RIC8A: variants seen among roughly 807,000 people sequenced by gnomAD.
The protein encoded by RIC8A is chaperone Ric-8A.
In RIC8A, 37 loss-of-function variants were observed where a neutral mutation model predicts 48.4. That is an observed-to-expected ratio of 0.77 (90% CI 0.59 to 1.01). The LOEUF is 1.01. RIC8A is among the 50% of genes least tolerant of loss of function. The pLI, the probability that RIC8A is intolerant of heterozygous loss-of-function variation, is 0.00. For synonymous variants in RIC8A, 288 were observed against 283.4 expected (o/e 1.02, Z -0.16); for missense variants, 681 against 696.8 (o/e 0.98, Z 0.25).
Position 209,900 on chromosome 11 carries a change from C to G in RIC8A, c.626C>G (p.Pro209Arg). 6.2e-7 allele frequency: 1 copy of G among 1,608,990 alleles called. No homozygotes were observed. The highest frequency in any genetic ancestry group is 2.2e-5 in the East Asian group (1 of 44,832). The change falls in exon 3 of 10, where the codon CCA (proline) becomes CGA (arginine). Residue 209 changes from proline (P) to arginine (R), a missense_variant. Pro to Arg is a moderately radical substitution (Grantham distance 103). Transcript: ENST00000526104. The stretch of plus-strand genomic sequence containing the variant: ...GGGGTGACTCCTGAAGGGAACCCCC[C>G]ACCCACGCTCCTTCCTTCCCAAGAG... ...TLGVTPEGNP[P>R]PTLLPSQETE... is the part of the protein sequence containing the mutation.
In RIC8A at chr11:214,280, C is replaced by T. The variant is rs765061876; in HGVS notation, c.1526C>T (p.Ser509Phe). Residue 509 changes from serine to phenylalanine, a missense_variant, in exon 10 of 10, where the codon TCC (serine) becomes TTC (phenylalanine). By Grantham distance (155) the Ser-to-Phe change is radical (BLOSUM62 -2). Transcript: ENST00000526104. Reference sequence around the variant, plus strand: ...ATGAGTCCCCGGGGTCATCTTACGTCCCTGCAGGATGCCATGTGCGAGACT... The same window carrying T: ...ATGAGTCCCCGGGGTCATCTTACGTTCCTGCAGGATGCCATGTGCGAGACT... Reference protein sequence around the residue: ...MGMSPRGHLTSLQDAMCETME... With the variant: ...MGMSPRGHLTFLQDAMCETME... The T allele has an allele frequency of 3.0e-5, 48 of 1,613,792 alleles. No homozygotes were observed. Among genetic ancestry groups the T allele is most frequent in the Non-Finnish European group, 3.9e-5 (46 of 1,179,890 alleles).
chr11:214,440 G>A lies in RIC8A; in HGVS notation c.*90G>A. The A allele has an allele frequency of 6.8e-7, 1 of 1,474,374 alleles. No homozygotes were observed. The highest frequency in any genetic ancestry group is 1.7e-4 in the Middle Eastern group (1 of 5,840). The allele number at this position is 1,474,374 out of a possible 1,614,324, so 91.3% of individuals were successfully genotyped here. A position where few individuals can be genotyped will look rare whatever the true frequency, so the allele number is the denominator to read the frequency against. ...CAACCTGGGGAAGCCACATCCCACT[G>A]GATCCACACCCGCCCCCACTTCTCC... On this transcript the variant is annotated 3_prime_UTR_variant, in exon 10 of 10. Coordinates refer to ENST00000526104, the MANE Select transcript of RIC8A (RefSeq NM_001286134.2).
chr11:212,475 G>T lies in RIC8A; in HGVS notation c.1029G>T (p.Arg343=). ...PVLSVLTECA[R]MHRPARKFLK... ...TGAGCGTGCTGACTGAATGTGCCCG[G>T]ATGCACCGCCCAGCCAGGAAGTTCC... Residue 343 remains arginine, a synonymous_variant, in exon 6 of 10, where the codon CGG becomes CGT. Coordinates refer to ENST00000526104, the MANE Select transcript of RIC8A (RefSeq NM_001286134.2). The T allele has an allele frequency of 7.4e-6, 12 of 1,613,998 alleles. No individual in the cohort carries two copies. The highest frequency in any genetic ancestry group is 1.0e-5 in the Non-Finnish European group (12 of 1,179,966).
At position 208,747 on chromosome 11, in the gene RIC8A, C is replaced by T; in HGVS notation, c.-108C>T. ...GCGCCACCAGACGCCGCGCCCCGTC[C>T]CGGCCTCCCCCGCGCGCTGGCGCGG... On this transcript the variant is annotated 5_prime_UTR_variant, in exon 1 of 10. Coordinates refer to ENST00000526104, the MANE Select transcript of RIC8A (RefSeq NM_001286134.2). This position sits in a 1 kb window ranked among gnomAD's most constrained non-coding sequence, Gnocchi z 4.8. The T allele has an allele frequency of 1.3e-6, 1 of 788,678 alleles. No individual in the cohort carries two copies. The highest frequency in any genetic ancestry group is 2.1e-5 in the South Asian group (1 of 47,722). The allele number at this position is 788,678 out of a possible 1,614,324, so 48.9% of individuals were successfully genotyped here.
rs1259052521 is a variant in RIC8A, at chr11:214,565, C to A, written c.*215C>A. ...GCAACGGTCTTCTTGTGCTAGAACT[C>A]AGGCTCAGCCTCGAATTCCACAGAC... is the stretch of plus-strand genomic sequence containing the variant. On this transcript the variant is annotated 3_prime_UTR_variant, in exon 10 of 10. Coordinates refer to ENST00000526104, the MANE Select transcript of RIC8A (RefSeq NM_001286134.2). 1 of 660,100 alleles carries A rather than the reference C, an allele frequency of 1.5e-6. No homozygotes were observed. Among genetic ancestry groups the A allele is most frequent in the African/African-American group, 1.8e-5 (1 of 56,006 alleles). 40.9% of individuals were successfully genotyped at this position (660,100 alleles called of 1,614,324 possible). A position where few individuals can be genotyped will look rare whatever the true frequency, so the allele number is the denominator to read the frequency against.
In RIC8A at chr11:210,660, C is replaced by G. The variant is rs34925440; in HGVS notation, c.816C>G (p.His272Gln). ...ATAGDRTEEFHGHAVNLLGNL... is the reference protein window; with the variant it reads ...ATAGDRTEEFQGHAVNLLGNL... ...CTGGAGACCGCACAGAGGAGTTCCA[C>G]GGGTGAGAATGGGGCTTTTTCTGGG... The change falls in exon 4 of 10, where the codon CAC (histidine) becomes CAG (glutamine). Residue 272 changes from histidine to glutamine, a missense_variant and splice_region_variant. By Grantham distance (24) the His-to-Gln change is conservative. Transcript: ENST00000526104. 0.012 allele frequency: 18,933 copies of G among 1,613,880 alleles called. 175 individuals are homozygous for G. Among genetic ancestry groups the G allele is most frequent in the Middle Eastern group, 0.027 (165 of 6,060 alleles).
chr11:213,888 A>C (rs1855449990), intron 9 of RIC8A: 1 of 307,472 alleles, frequency 3.3e-6, no homozygotes, highest in East Asian at 9.0e-5. Flanking sequence ...CAGAGCTTGC[A>C]GTGAGCTGAC....
At chr11:212,034 T>G in intron 5 of RIC8A, 2 of 276,670 alleles carry the variant, frequency 7.2e-6, no homozygotes, top group East Asian at 9.5e-5. Flanking sequence ...AGAGCGGGGA[T>G]TCGGTTCTCG....
chr11:214,506 A>G lies in RIC8A; in HGVS notation c.*156A>G. 1 of 921,880 alleles carries G rather than the reference A, an allele frequency of 1.1e-6. No homozygotes were observed. The highest frequency in any genetic ancestry group is 1.7e-6 in the Non-Finnish European group (1 of 586,658). 57.1% of individuals were successfully genotyped at this position (921,880 alleles called of 1,614,324 possible). A position where few individuals can be genotyped will look rare whatever the true frequency, so the allele number is the denominator to read the frequency against. ...TCTCTTGACTCCCGTTCTGTTCATG[A>G]TTTGCCTCTGGTCCAGTTTCTCATC... On this transcript the variant is annotated 3_prime_UTR_variant, in exon 10 of 10. Transcript: ENST00000526104.
Position 211,191 on chromosome 11 carries a change from GT to G in RIC8A, c.819-7del, listed in dbSNP as rs773536919. ...CCTGTTGAAACCCCTACCTCCATCT[GT>G]CCCCAGCCACGCAGTGAACCTCCTG... On this transcript the variant is annotated splice_region_variant and splice_polypyrimidine_tract_variant and intron_variant, in intron 4 of 9. Coordinates refer to ENST00000526104, the MANE Select transcript of RIC8A (RefSeq NM_001286134.2). This position sits in a 1 kb window ranked among gnomAD's most constrained non-coding sequence, Gnocchi z 4.0. The G allele has an allele frequency of 1.2e-6, 2 of 1,611,340 alleles. No homozygotes were observed. Among genetic ancestry groups the G allele is most frequent in the South Asian group, 2.2e-5 (2 of 90,722 alleles).
In RIC8A at chr11:209,907, G is replaced by A. The variant is rs370563816; in HGVS notation, c.633G>A (p.Thr211=). The part of the protein sequence containing the change: ...GVTPEGNPPP[T]LLPSQETERA... ...CTCCTGAAGGGAACCCCCCACCCACGCTCCTTCCTTCCCAAGAGACTGAGC... is the reference window on the plus strand; with the variant it reads ...CTCCTGAAGGGAACCCCCCACCCACACTCCTTCCTTCCCAAGAGACTGAGC... Residue 211 remains threonine (T), a synonymous_variant, in exon 3 of 10, where the codon ACG becomes ACA. Coordinates refer to ENST00000526104, the MANE Select transcript of RIC8A (RefSeq NM_001286134.2). 4.0e-5 allele frequency: 65 copies of A among 1,608,452 alleles called. No individual in the cohort carries two copies. The highest frequency in any genetic ancestry group is 5.2e-5 in the Non-Finnish European group (61 of 1,179,972).
chr11:212,344 G>T, intron 5 of RIC8A, 72 bp from the exon 6 acceptor site: 1 of 1,437,796 alleles, frequency 7.0e-7, no homozygotes, highest in South Asian at 1.2e-5. Flanking sequence ...AAGGGGTGGT[G>T]GGGAGGTGTA....
Position 209,329 on chromosome 11 carries a change from G to T in RIC8A, c.132+11G>T, listed in dbSNP as rs775473033. ...CAGGAGGACCGGAAGGTGGGTGCTGGCCCAAGGGGTAAAGGGGCAGGGACG... is the reference window on the plus strand; with the variant it reads ...CAGGAGGACCGGAAGGTGGGTGCTGTCCCAAGGGGTAAAGGGGCAGGGACG... On this transcript the variant is annotated intron_variant, in intron 2 of 9. Transcript: ENST00000526104. 6.2e-7 allele frequency: 1 copy of T among 1,612,040 alleles called. No homozygotes were observed. The highest frequency in any genetic ancestry group is 8.5e-7 in the Non-Finnish European group (1 of 1,178,656).
intron 3 of RIC8A, 126 bp downstream of exon 3, chr11:210,126 G>A: frequency 1.2e-6 from 1 of 845,302 alleles, no homozygotes; most frequent in South Asian, 1.8e-5. Context: ...CTCCCAGCCT[G>A]TTGGGACAAG....
chr11:214,515 TG>T lies in RIC8A; in HGVS notation c.*167del. ...TCCCGTTCTGTTCATGATTTGCCTC[TG>T]GTCCAGTTTCTCATCTCTGGACTGC... is the stretch of plus-strand genomic sequence containing the variant. On this transcript the variant is annotated 3_prime_UTR_variant, in exon 10 of 10. Coordinates refer to ENST00000526104, the MANE Select transcript of RIC8A (RefSeq NM_001286134.2). 1 of 863,904 alleles carries T rather than the reference TG, an allele frequency of 1.2e-6. No individual in the cohort carries two copies. The highest frequency in any genetic ancestry group is 1.4e-5 in the South Asian group (1 of 69,594). The allele number at this position is 863,904 out of a possible 1,614,324, so 53.5% of individuals were successfully genotyped here. A position where few individuals can be genotyped will look rare whatever the true frequency, so the allele number is the denominator to read the frequency against.
chr11:210,982 G>A, intron 4 of RIC8A: 1 of 610,276 alleles, frequency 1.6e-6, no homozygotes. Flanking sequence ...CGGGGAGGCA[G>A]TGTGTCTCAG....
Position 209,279 on chromosome 11 carries a change from G to A in RIC8A, c.93G>A (p.Gln31=). The change falls in exon 2 of 10, where the codon CAG becomes CAA. Residue 31 remains glutamine (Q), a synonymous_variant. Transcript: ENST00000526104. Reference sequence around the variant, plus strand: ...ACTAGTTCTCTCTGCAGCACTCCCAGAGCTTCACGTTTGATGATGCCCAAC... The same window carrying A: ...ACTAGTTCTCTCTGCAGCACTCCCAAAGCTTCACGTTTGATGATGCCCAAC... ...ALRSYNQEHS[Q]SFTFDDAQQE... The A allele has an allele frequency of 6.2e-7, 1 of 1,614,146 alleles. No individual in the cohort carries two copies.
In RIC8A at chr11:209,863, G is replaced by C. The variant is rs1307907860; in HGVS notation, c.589G>C (p.Glu197Gln). 1 of 1,612,400 alleles carries C rather than the reference G, an allele frequency of 6.2e-7. No individual in the cohort carries two copies. Residue 197 changes from glutamate (E) to glutamine (Q), a missense_variant, in exon 3 of 10, where the codon GAG becomes CAG. Physicochemically the swap from Glu to Gln is conservative, Grantham distance 29. Transcript: ENST00000526104. ...AGTGCGCCTGCTAACTGACACACTG[G>C]AGCTGACGCTGGGGGTGACTCCTGA... is the stretch of plus-strand genomic sequence containing the variant. ...KGVRLLTDTL[E>Q]LTLGVTPEGN...
In RIC8A at chr11:208,463, C is replaced by T. The variant is rs2133743856; in HGVS notation, c.-392C>T. ...ATGGCCCAGGACTGAAAATTCCTTT[C>T]CACTTCGGCTTTCCCCTCTACATCC... On this transcript the variant is annotated 5_prime_UTR_variant, in exon 1 of 10. Coordinates refer to ENST00000526104, the MANE Select transcript of RIC8A (RefSeq NM_001286134.2). This position sits in a 1 kb window ranked among gnomAD's most constrained non-coding sequence, Gnocchi z 4.8. 1.1e-5 allele frequency: 2 copies of T among 176,086 alleles called. No homozygotes were observed. Among genetic ancestry groups the T allele is most frequent in the Middle Eastern group, 5.0e-3 (2 of 400 alleles). 10.9% of individuals were successfully genotyped at this position (176,086 alleles called of 1,614,324 possible).
Sources: gnomAD v4.1 joint callset for allele counts on GRCh38, gnomAD v4.1.1 for gene constraint, Gnocchi (gnomAD v3.1) non-coding constraint, MANE v1.5 for transcripts, NCBI Gene and HGNC (gene_info 2026-07-23, HGNC 2026-07-21) for gene names.